RPS6KA5: variants seen among roughly 807,000 people sequenced by gnomAD.
RPS6KA5 encodes ribosomal protein S6 kinase A5, also known as ribosomal protein S6 kinase alpha-5.
A neutral mutation model predicts 85.5 loss-of-function variants in RPS6KA5; 27 were observed. The observed-to-expected ratio is 0.32, with a 90% CI of 0.23 to 0.44. The LOEUF is 0.44. Among genes scored for constraint, RPS6KA5 ranks in the 20% least tolerant of loss-of-function variants. The pLI, the probability that RPS6KA5 is intolerant of heterozygous loss-of-function variation, is 1.00. For missense variants in RPS6KA5, 811 were observed against 980.9 expected (o/e 0.83, Z 2.31); for synonymous variants, 334 against 348.2 (o/e 0.96, Z 0.46).
At chr14:91,002,471 T>C (rs1162056868) in intron 1 of RPS6KA5, among the ~76,000 whole-genome samples, 2 of 152,138 alleles carry the variant, frequency 1.3e-5, no homozygotes, top group Non-Finnish European at 2.9e-5. Flanking sequence ...ATCAAATTTA[T>C]ATGGTGCTTG....
At position 90,947,549 on chromosome 14, in the gene RPS6KA5, A is replaced by G; in HGVS notation, c.396T>C (p.Asp132=). The G allele has an allele frequency of 6.5e-7, 1 of 1,531,704 alleles. No homozygotes were observed. Among genetic ancestry groups the G allele is most frequent in the East Asian group, 2.3e-5 (1 of 44,422 alleles). 94.9% of individuals were successfully genotyped at this position (1,531,704 alleles called of 1,614,324 possible). The change falls in exon 4 of 17, where the codon GAT becomes GAC. Residue 132 remains aspartate, a splice_region_variant and synonymous_variant. Coordinates refer to ENST00000614987, the MANE Select transcript of RPS6KA5 (RefSeq NM_004755.4). ...TAAAAAGTTCACCACCATTTATATA[A>G]TCTAAAAATGAAATACATTTTTCTT... ...QTETKLHLIL[D]YINGGELFTH...
At chr14:90,993,662 A>G (rs971219308) in intron 2 of RPS6KA5, among the ~76,000 whole-genome samples, 3 of 152,142 alleles carry the variant, frequency 2.0e-5, no homozygotes, top group Non-Finnish European at 4.4e-5. Flanking sequence ...CTTTATAAAT[A>G]AGTCTTTTCT....
intron 2 of RPS6KA5, among the ~76,000 whole-genome samples, chr14:90,984,103 C>T (rs1396109334): frequency 6.6e-6 from 1 of 152,204 alleles, no homozygotes; most frequent in African/African-American, 2.4e-5. Context: ...GCCTTGGCTT[C>T]CCAAAGTGCT....
intron 1 of RPS6KA5, among the ~76,000 whole-genome samples, chr14:91,050,364 G>GA (rs2043023762): frequency 3.1e-4 from 2 of 6,372 alleles, no homozygotes; most frequent in African/African-American, 0.011. Context: ...GGGCAACAGA[G>GA]AAGACCTTAT....
At chr14:90,908,946 G>A (rs2035655655) in intron 7 of RPS6KA5, among the ~76,000 whole-genome samples, 1 of 152,226 alleles carries the variant, frequency 6.6e-6, no homozygotes, top group African/African-American at 2.4e-5. Flanking sequence ...AGTGTGTCTT[G>A]TGTGGGCTGG....
intron 1 of RPS6KA5, among the ~76,000 whole-genome samples, chr14:91,003,118 A>C (rs1160944234): frequency 2.0e-5 from 3 of 152,138 alleles, no homozygotes; most frequent in Non-Finnish European, 4.4e-5. Context: ...AAAAAGCTTA[A>C]GAGATTATTA....
In RPS6KA5 at chr14:90,857,963, CA is replaced by C. The variant is rs1386619761; in HGVS notation, c.*14110del. 3 of 152,120 alleles carry C rather than the reference CA, an allele frequency of 2.0e-5. No homozygotes were observed. In the East Asian group the frequency reaches 5.8e-4, roughly 29 times the overall value. The allele number at this position is 152,120 out of a possible 1,614,324, so 9.4% of individuals were successfully genotyped here. ...TAAACCGGGTGCCTTCACATATGAC[CA>C]TGTGACAACCAAGTTATCAATGCCA... is the stretch of plus-strand genomic sequence containing the variant. On this transcript the variant is annotated 3_prime_UTR_variant, in exon 17 of 17. Transcript: ENST00000614987.
intron 5 of RPS6KA5, 143 bp from the exon 6 acceptor site, chr14:90,923,339 T>C: frequency 1.5e-6 from 1 of 656,214 alleles, no homozygotes; most frequent in Non-Finnish European, 2.7e-6. Context: ...CACTCTTCAC[T>C]GGAACAGACC....
In RPS6KA5 at chr14:90,890,571, G is replaced by A; in HGVS notation, c.1752C>T (p.Phe584=). The A allele has an allele frequency of 6.2e-7, 1 of 1,614,206 alleles. No homozygotes were observed. Among genetic ancestry groups the A allele is most frequent in the Non-Finnish European group, 8.5e-7 (1 of 1,180,008 alleles). The stretch of plus-strand genomic sequence containing the variant: ...GCTCTGGGGCGGCATAATGAAGGGT[G>A]AAGCATGGAGTCTTCAGGGGCTGAT... ...PDNQPLKTPC[F]TLHYAAPELL... The change falls in exon 14 of 17, where the codon TTC becomes TTT. Residue 584 remains phenylalanine, a synonymous_variant. Transcript: ENST00000614987.
At chr14:90,922,905 A>C (rs568097769) in intron 6 of RPS6KA5, among the ~76,000 whole-genome samples, 22 of 152,246 alleles carry the variant, frequency 1.4e-4, no homozygotes, top group Non-Finnish European at 2.6e-4. Context: ...GAAATCTAGA[A>C]TGTCCTAACC....
intron 5 of RPS6KA5, among the ~76,000 whole-genome samples, chr14:90,938,001 T>G (rs2037367392): frequency 6.6e-6 from 1 of 152,172 alleles, no homozygotes; most frequent in African/African-American, 2.4e-5. Flanking sequence ...AAAGTCCATA[T>G]TCCAAAGTCT....
chr14:90,907,679 A>C (rs1020216658), intron 7 of RPS6KA5, among the ~76,000 whole-genome samples: 1 of 152,226 alleles, frequency 6.6e-6, no homozygotes, highest in African/African-American at 2.4e-5. Context: ...CTGGGAACCC[A>C]AGAAAATGTT....
intron 1 of RPS6KA5, among the ~76,000 whole-genome samples, chr14:91,059,410 T>G (rs1053265447): frequency 6.6e-6 from 1 of 150,628 alleles, no homozygotes; most frequent in Non-Finnish European, 1.5e-5. Context: ...CACAAACATA[T>G]CTAGTAATAA....
At chr14:90,958,842 A>G (rs1416308487) in intron 3 of RPS6KA5, among the ~76,000 whole-genome samples, 1 of 152,124 alleles carries the variant, frequency 6.6e-6, no homozygotes, top group Admixed American at 6.6e-5. Flanking sequence ...GAAGGTCATG[A>G]TTACTATGGA....
At chr14:91,042,214 T>C (rs1028675992) in intron 1 of RPS6KA5, among the ~76,000 whole-genome samples, 2 of 152,170 alleles carry the variant, frequency 1.3e-5, no homozygotes, top group Non-Finnish European at 2.9e-5. Flanking sequence ...TTTTTCCATA[T>C]CTAAGAATTT....
chr14:90,928,319 A>T (rs549865824), intron 5 of RPS6KA5, among the ~76,000 whole-genome samples: 1 of 152,120 alleles, frequency 6.6e-6, no homozygotes, highest in African/African-American at 2.4e-5. Flanking sequence ...TTATTTTAAA[A>T]AGATTAAATA....
Position 90,907,318 on chromosome 14 carries a change from A to G in RPS6KA5, c.807-1019T>C, listed in dbSNP as rs145422033. Among the ~76,000 whole-genome samples, 35 of 152,334 alleles carry G rather than the reference A, an allele frequency of 2.3e-4. 1 individual carries two copies. In the Middle Eastern group the frequency reaches 0.014, roughly 59 times the overall value. ...AGACTTTGGAGCCAGAATGAGCCCA[A>G]CGCTGGCTCTGCCTTGACCTTGTGT... On this transcript the variant is annotated intron_variant, in intron 7 of 16. Coordinates refer to ENST00000614987, the MANE Select transcript of RPS6KA5 (RefSeq NM_004755.4).
intron 1 of RPS6KA5, among the ~76,000 whole-genome samples, chr14:91,005,074 A>C (rs1451622584): frequency 7.2e-5 from 11 of 152,182 alleles, no homozygotes; most frequent in Non-Finnish European, 1.3e-4. Context: ...TTTGAAGCCA[A>C]TCACTTCCCT....
chr14:90,996,036 G>A (rs1046416691), intron 2 of RPS6KA5, among the ~76,000 whole-genome samples: 3 of 152,174 alleles, frequency 2.0e-5, no homozygotes, highest in African/African-American at 7.2e-5. Context: ...TAGTGAGACA[G>A]GGTCTCGCTC....
Sources: gnomAD v4.1 joint callset for allele counts (sites outside exome capture counted in the v4.1 genomes callset) on GRCh38, gnomAD v4.1.1 for gene constraint, MANE v1.5 for transcripts, NCBI Gene and HGNC (gene_info 2026-07-23, HGNC 2026-07-21) for gene names.